Variants in RBFOX1 observed in about 807,000 individuals in gnomAD.
RBFOX1 encodes RNA binding fox-1 homolog 1.
Under a neutral mutation model 57.7 loss-of-function variants are expected in RBFOX1, and 8 were observed. That is an observed-to-expected ratio of 0.14 (90% CI 0.08 to 0.25). RBFOX1 has a LOEUF of 0.25. Ranked by LOEUF, RBFOX1 falls within the 10% of genes least tolerant of loss-of-function variation. The pLI, the probability that RBFOX1 is intolerant of heterozygous loss-of-function variation, is 1.00. For synonymous variants in RBFOX1, 326 were observed against 222.4 expected (o/e 1.47, Z -4.15); for missense variants, 611 against 548.5 (o/e 1.11, Z -1.14).
At chr16:7,501,889 C>T (rs1567537752) in intron 4 of RBFOX1, among the ~76,000 whole-genome samples, 1 of 152,134 alleles carries the variant, frequency 6.6e-6, no homozygotes, top group African/African-American at 2.4e-5. Context: ...ATAGAGGTAC[C>T]TGGGCTATGT....
At chr16:7,634,965 C>T (rs374374300) in intron 11 of RBFOX1, among the ~76,000 whole-genome samples, 1 of 152,102 alleles carries the variant, frequency 6.6e-6, no homozygotes, top group South Asian at 2.1e-4. Flanking sequence ...CAATTCAACC[C>T]CTTAACAGAA....
At chr16:6,885,856 G>C (rs1312929024) in intron 3 of RBFOX1, among the ~76,000 whole-genome samples, 2 of 152,034 alleles carry the variant, frequency 1.3e-5, no homozygotes, top group African/African-American at 4.8e-5. Flanking sequence ...TTATTTTAGA[G>C]AAATTCTAGA....
At chr16:6,505,645 A>G (rs1033694013) in intron 2 of RBFOX1, among the ~76,000 whole-genome samples, 9 of 152,188 alleles carry the variant, frequency 5.9e-5, no homozygotes, top group Non-Finnish European at 8.8e-5. Flanking sequence ...CAAGAACTCT[A>G]CTCATTTAAA....
chr16:7,305,257 C>G (rs17143361), intron 4 of RBFOX1, among the ~76,000 whole-genome samples: 1 of 151,986 alleles, frequency 6.6e-6, no homozygotes, highest in Non-Finnish European at 1.5e-5. Flanking sequence ...CTGTCTTTCT[C>G]AGGGTGTTTC....
intron 4 of RBFOX1, among the ~76,000 whole-genome samples, chr16:7,410,683 C>CG (rs1597737493): frequency 7.6e-6 from 1 of 131,452 alleles, no homozygotes; most frequent in East Asian, 3.1e-4. Context: ...ATCCCAAAAA[C>CG]AAAACAAAAC....
intron 2 of RBFOX1, among the ~76,000 whole-genome samples, chr16:6,363,160 ATTT>A (rs2088911394): frequency 6.6e-6 from 1 of 152,190 alleles, no homozygotes; most frequent in Non-Finnish European, 1.5e-5. Flanking sequence ...CTTCAAAAGC[ATTT>A]TTTATTTATA....
intron 2 of RBFOX1, among the ~76,000 whole-genome samples, chr16:6,350,606 A>G (rs942833049): frequency 1.3e-5 from 2 of 152,058 alleles, no homozygotes; most frequent in East Asian, 3.9e-4. Context: ...AATGGCATCC[A>G]TACATCTATG....
At chr16:6,870,231 G>A (rs1318171745) in intron 3 of RBFOX1, among the ~76,000 whole-genome samples, 2 of 152,082 alleles carry the variant, frequency 1.3e-5, no homozygotes, top group African/African-American at 4.8e-5. Flanking sequence ...AAGAGAGTTA[G>A]CAGCCTGGGG....
chr16:6,194,031 C>A (rs777117403), intron 1 of RBFOX1, among the ~76,000 whole-genome samples: 5 of 152,186 alleles, frequency 3.3e-5, no homozygotes, highest in Non-Finnish European at 7.3e-5. Context: ...GAATCTCATT[C>A]CTGTATACTA....
chr16:5,693,377 A>AAC (rs201670819), intron 3 of RBFOX1, among the ~76,000 whole-genome samples: 2 of 150,402 alleles, frequency 1.3e-5, no homozygotes, highest in African/African-American at 4.9e-5. Flanking sequence ...CAAAAAAAAA[A>AAC]CAAAAACAAA....
intron 4 of RBFOX1, among the ~76,000 whole-genome samples, chr16:7,163,416 A>T (rs2078797302): frequency 6.6e-6 from 1 of 152,128 alleles, no homozygotes; most frequent in Non-Finnish European, 1.5e-5. Context: ...ATGTGTATGA[A>T]GCGGCTGGTC....
intron 3 of RBFOX1, among the ~76,000 whole-genome samples, chr16:5,742,648 C>G (rs1426572986): frequency 6.6e-6 from 1 of 152,144 alleles, no homozygotes; most frequent in African/African-American, 2.4e-5. Context: ...AATTAATGCT[C>G]AACTAGGCAT....
chr16:7,087,807 C>G (rs936038859), intron 4 of RBFOX1, among the ~76,000 whole-genome samples: 1 of 152,122 alleles, frequency 6.6e-6, no homozygotes, highest in African/African-American at 2.4e-5. Context: ...AAGGAGACTT[C>G]TGTTTGCTGA....
intron 3 of RBFOX1, among the ~76,000 whole-genome samples, chr16:6,720,451 G>A (rs528414755): frequency 6.6e-6 from 1 of 152,218 alleles, no homozygotes; most frequent in East Asian, 1.9e-4. Context: ...GTTCTTTATA[G>A]CATTGCAAGA....
chr16:6,854,758 C>T (rs956539024), intron 3 of RBFOX1, among the ~76,000 whole-genome samples: 2 of 151,766 alleles, frequency 1.3e-5, no homozygotes, highest in African/African-American at 4.8e-5. Flanking sequence ...TTGCGCCCGG[C>T]TAATTTTTTG....
intron 4 of RBFOX1, among the ~76,000 whole-genome samples, chr16:7,103,790 T>G (rs1056877043): frequency 6.6e-6 from 1 of 152,150 alleles, no homozygotes; most frequent in Non-Finnish European, 1.5e-5. Flanking sequence ...CCCAGCAATA[T>G]GTCAGAAATT....
chr16:7,644,360 C>T (rs1025406787), intron 11 of RBFOX1, among the ~76,000 whole-genome samples: 1 of 152,186 alleles, frequency 6.6e-6, no homozygotes, highest in Non-Finnish European at 1.5e-5. Flanking sequence ...GAATTTTCTC[C>T]ACCTGATAAT....
chr16:7,075,969 C>T (rs1247994834), intron 4 of RBFOX1, among the ~76,000 whole-genome samples: 1 of 151,852 alleles, frequency 6.6e-6, no homozygotes. Context: ...TGCCACCGTC[C>T]TTGCACTTCC....
At chr16:6,303,092 A>G (rs778493972) in intron 1 of RBFOX1, among the ~76,000 whole-genome samples, 3 of 152,216 alleles carry the variant, frequency 2.0e-5, no homozygotes, top group East Asian at 3.9e-4. Context: ...TCGTTTTACT[A>G]TTTCCTTGAG....
Sources: allele counts gnomAD v4.1 joint callset (sites outside exome capture counted in the v4.1 genomes callset), GRCh38; gene constraint gnomAD v4.1.1; transcripts MANE v1.5; gene names NCBI Gene and HGNC (gene_info 2026-07-23, HGNC 2026-07-21).